The following TDRP variants were observed in gnomAD, a reference collection of about 807,000 sequenced individuals.
TDRP encodes the protein testis development-related protein.
Under a neutral mutation model 10.5 loss-of-function variants are expected in TDRP, and 12 were observed. The observed-to-expected ratio is 1.15, with a 90% CI of 0.73 to 1.86. TDRP has a LOEUF of 1.86. TDRP is among the 40% of genes most tolerant of loss of function. The probability of loss-of-function intolerance (pLI) is 0.00; values close to 1 mark genes in which losing one functional copy is unlikely to be tolerated. For synonymous variants in TDRP, 139 were observed against 95.4 expected, an observed-to-expected ratio of 1.46 and a Z score of -2.67; for missense variants, 353 against 229.2, an observed-to-expected ratio of 1.54 and a Z score of -3.49.
chr8:521,751 G>C (rs1461725834), intron 1 of TDRP, among the ~76,000 whole-genome samples: 1 of 151,812 alleles, frequency 6.6e-6, no homozygotes, highest in Non-Finnish European at 1.5e-5. Flanking sequence ...ATGAACTTTA[G>C]AATTTCTTTT....
intron 2 of TDRP, among the ~76,000 whole-genome samples, chr8:494,210 C>G (rs1340779861): frequency 6.6e-6 from 1 of 151,968 alleles, no homozygotes; most frequent in African/African-American, 2.4e-5. Flanking sequence ...ATCTGCCTGC[C>G]TTGGCCTCCC....
At position 544,797 on chromosome 8, in the gene TDRP, G is replaced by A. The variant is rs1406189360; in HGVS notation, c.-40C>T. 4.4e-5 allele frequency: 53 copies of A among 1,214,046 alleles called. No individual in the cohort carries two copies. The highest frequency in any genetic ancestry group is 5.0e-5 in the Non-Finnish European group (49 of 971,816). 75.2% of individuals were successfully genotyped at this position (1,214,046 alleles called of 1,614,324 possible). A position where few individuals can be genotyped will look rare whatever the true frequency, so the allele number is the denominator to read the frequency against. On this transcript the variant is annotated 5_prime_UTR_variant, in exon 1 of 3. Coordinates refer to ENST00000324079, the MANE Select transcript of TDRP (RefSeq NM_001384899.1). ...CGGCGTCCCTCCGTCCGTGCGTCGG[G>A]CTGTGGCTCCGCGTCCCTCCCGGCC...
chr8:523,710 G>A (rs566084861), intron 1 of TDRP, among the ~76,000 whole-genome samples: 11 of 152,306 alleles, frequency 7.2e-5, no homozygotes, highest in African/African-American at 2.4e-4. Flanking sequence ...AGGCTCCTCT[G>A]CTTGTGGAAA....
At chr8:502,391 A>C (rs2116742156) in intron 1 of TDRP, among the ~76,000 whole-genome samples, 1 of 152,312 alleles carries the variant, frequency 6.6e-6, no homozygotes, top group South Asian at 2.1e-4. Flanking sequence ...TGTTCACCAA[A>C]TTGCAGGGTG....
In TDRP at chr8:490,915, T is replaced by C. The variant is rs1800952549; in HGVS notation, c.*1484A>G. On this transcript the variant is annotated 3_prime_UTR_variant, in exon 3 of 3. Coordinates refer to ENST00000324079, the MANE Select transcript of TDRP (RefSeq NM_001384899.1). ...AGTAGATGATTGACAGAAGGCTAGATGGATGTAGACTGAGAGAAGACAGAC... is the reference window on the plus strand; with the variant it reads ...AGTAGATGATTGACAGAAGGCTAGACGGATGTAGACTGAGAGAAGACAGAC... 6.6e-6 allele frequency: 1 copy of C among 152,034 alleles called. No individual in the cohort carries two copies. Among genetic ancestry groups the C allele is most frequent in the Non-Finnish European group, 1.5e-5 (1 of 68,016 alleles). 9.4% of individuals were successfully genotyped at this position (152,034 alleles called of 1,614,324 possible). A position where few individuals can be genotyped will look rare whatever the true frequency, so the allele number is the denominator to read the frequency against.
At chr8:535,413 C>T (rs553361613) in intron 1 of TDRP, among the ~76,000 whole-genome samples, 2 of 152,104 alleles carry the variant, frequency 1.3e-5, no homozygotes, top group African/African-American at 2.4e-5. Flanking sequence ...CCCCAGCTAA[C>T]GTGGGGTGAA....
At chr8:538,730 T>C (rs192439063) in intron 1 of TDRP, among the ~76,000 whole-genome samples, 74 of 152,326 alleles carry the variant, frequency 4.9e-4, no homozygotes, top group East Asian at 4.1e-3. Flanking sequence ...GAGAAGTCTT[T>C]AGAAGTCTTC....
chr8:502,688 C>A (rs536233577), intron 1 of TDRP, among the ~76,000 whole-genome samples: 1 of 149,446 alleles, frequency 6.7e-6, no homozygotes, highest in African/African-American at 2.5e-5. Flanking sequence ...AGCCACACAC[C>A]GGAACCCATG....
Position 491,557 on chromosome 8 carries a change from TA to T in TDRP, c.*841del. On this transcript the variant is annotated 3_prime_UTR_variant, in exon 3 of 3. Coordinates refer to ENST00000324079, the MANE Select transcript of TDRP (RefSeq NM_001384899.1). ...TGCAAGAACAAACATATGAGCCTAATAAAAAAGAGGCACTTCAGTATTTTAT... is the reference window on the plus strand; with the variant it reads ...TGCAAGAACAAACATATGAGCCTAATAAAAAGAGGCACTTCAGTATTTTAT... The T allele has an allele frequency of 1.4e-6, 2 of 1,468,558 alleles. No individual in the cohort carries two copies. Among genetic ancestry groups the T allele is most frequent in the Admixed American group, 2.5e-5 (1 of 40,734 alleles). The allele number at this position is 1,468,558 out of a possible 1,614,324, so 91.0% of individuals were successfully genotyped here. A position where few individuals can be genotyped will look rare whatever the true frequency, so the allele number is the denominator to read the frequency against.
At chr8:518,378 C>G (rs1185129299) in intron 1 of TDRP, among the ~76,000 whole-genome samples, 1 of 152,068 alleles carries the variant, frequency 6.6e-6, no homozygotes, top group Non-Finnish European at 1.5e-5. Flanking sequence ...ACACATAAGT[C>G]TAATAAAAGG....
chr8:529,016 G>A (rs1364469796), intron 1 of TDRP, among the ~76,000 whole-genome samples: 2 of 152,192 alleles, frequency 1.3e-5, no homozygotes, highest in African/African-American at 4.8e-5. Flanking sequence ...CAGCACAGGA[G>A]AAAGATATAG....
At chr8:523,241 A>C in intron 1 of TDRP, among the ~76,000 whole-genome samples, 1 of 152,276 alleles carries the variant, frequency 6.6e-6, no homozygotes, top group South Asian at 2.1e-4. Context: ...TCTATTTTAA[A>C]CTGATAATTT....
chr8:499,257 A>T lies in TDRP; in HGVS notation c.109-4660T>A, dbSNP rs73671716. ...TTTGTTTTGTTTTGTTTTTGGAGGC[A>T]GGGTCTCTCTGTTACCCAGGCTGGT... On this transcript the variant is annotated intron_variant, in intron 1 of 2. Coordinates refer to ENST00000324079, the MANE Select transcript of TDRP (RefSeq NM_001384899.1). Among the ~76,000 whole-genome samples, 1,330 of 150,808 alleles carry T rather than the reference A, an allele frequency of 8.8e-3. 16 individuals are homozygous for T. Among genetic ancestry groups the T allele is most frequent in the African/African-American group, 0.031 (1,253 of 40,556 alleles).
At chr8:539,144 G>C (rs778797605) in intron 1 of TDRP, among the ~76,000 whole-genome samples, 20 of 152,290 alleles carry the variant, frequency 1.3e-4, no homozygotes, top group Non-Finnish European at 2.8e-4. Context: ...CTGAATGTTT[G>C]TGTCCCCAGA....
chr8:523,428 T>C (rs1370383272), intron 1 of TDRP, among the ~76,000 whole-genome samples: 1 of 152,022 alleles, frequency 6.6e-6, no homozygotes, highest in African/African-American at 2.4e-5. Context: ...AAAATCACCT[T>C]TATAAGAACT....
At chr8:510,079 G>C (rs925379411) in intron 1 of TDRP, among the ~76,000 whole-genome samples, 3 of 152,154 alleles carry the variant, frequency 2.0e-5, no homozygotes, top group East Asian at 1.9e-4. Flanking sequence ...CAGGGAATCA[G>C]GGTGTGTCAT....
intron 1 of TDRP, among the ~76,000 whole-genome samples, chr8:537,114 G>T (rs543874865): frequency 6.6e-6 from 1 of 152,220 alleles, no homozygotes; most frequent in Non-Finnish European, 1.5e-5. Context: ...ATCAGGTGCC[G>T]TAATGTGGAA....
intron 1 of TDRP, among the ~76,000 whole-genome samples, chr8:522,316 G>A (rs1037784254): frequency 9.9e-5 from 15 of 152,156 alleles, no homozygotes; most frequent in African/African-American, 3.4e-4. Context: ...TAAAGACTGT[G>A]TAAGCAAAAA....
intron 1 of TDRP, among the ~76,000 whole-genome samples, chr8:531,798 T>C (rs941018819): frequency 6.6e-6 from 1 of 152,160 alleles, no homozygotes; most frequent in Admixed American, 6.5e-5. Context: ...CAGCCAAATA[T>C]CTGGCAAAGA....
Sources: allele counts gnomAD v4.1 joint callset (sites outside exome capture counted in the v4.1 genomes callset), GRCh38; gene constraint gnomAD v4.1.1; transcripts MANE v1.5; gene names NCBI Gene and HGNC (gene_info 2026-07-23, HGNC 2026-07-21).